The following SNTG1 variants were observed in gnomAD, a reference collection of about 807,000 sequenced individuals.
SNTG1 encodes the protein syntrophin gamma 1.
Under a neutral mutation model 74.7 loss-of-function variants are expected in SNTG1, and 39 were observed. That is an observed-to-expected ratio of 0.52 (90% confidence interval 0.40 to 0.68). The LOEUF (loss-of-function observed/expected upper bound fraction) is 0.68, where lower values mean the gene tolerates loss of function less well. SNTG1 is among the 30% of genes least tolerant of loss of function. SNTG1 has a pLI of 0.00. For missense variants in SNTG1, 685 were observed against 609.5 expected (o/e 1.12, Z -1.30); for synonymous variants, 254 against 217.1 (o/e 1.17, Z -1.49).
At chr8:50,501,425 G>GTTTTTTT (rs59123896) in intron 8 of SNTG1, among the ~76,000 whole-genome samples, 1 of 57,082 alleles carries the variant, frequency 1.8e-5, no homozygotes, top group African/African-American at 9.8e-5. Flanking sequence ...GAGCCTGTGC[G>GTTTTTTT]TTTTTTTTTT....
At chr8:50,534,787 T>TA (rs1207718089) in intron 10 of SNTG1, among the ~76,000 whole-genome samples, 3 of 151,982 alleles carry the variant, frequency 2.0e-5, no homozygotes, top group African/African-American at 4.8e-5. Flanking sequence ...AAACTAAAAA[T>TA]AAAAAAACCT....
chr8:50,435,801 T>A (rs181092069), intron 4 of SNTG1, among the ~76,000 whole-genome samples: 91 of 152,308 alleles, frequency 6.0e-4, no homozygotes, highest in African/African-American at 2.1e-3. Context: ...TTTTTGAGAT[T>A]CTTTTGGTGG....
chr8:50,021,155 C>A (rs533951471), intron 1 of SNTG1, among the ~76,000 whole-genome samples: 1 of 152,194 alleles, frequency 6.6e-6, no homozygotes, highest in East Asian at 1.9e-4. Flanking sequence ...AGAGCTAATC[C>A]CACTCAATAA....
chr8:50,041,688 A>AGTT (rs1048543183), intron 1 of SNTG1, among the ~76,000 whole-genome samples: 2 of 152,198 alleles, frequency 1.3e-5, no homozygotes, highest in African/African-American at 4.8e-5. Flanking sequence ...TTTGTGTCCC[A>AGTT]GTTGAAAAGC....
At position 49,975,089 on chromosome 8, in the gene SNTG1, C is replaced by T. The variant is rs186006724; in HGVS notation, c.-103+62858C>T. On this transcript the variant is annotated intron_variant, in intron 1 of 18. Transcript: ENST00000642720. ...ACTGTCAGTGATGGTTCTCAATGGG[C>T]GAATCATGGCTCTCTTCCAAATGGA... Among the ~76,000 whole-genome samples the T allele has an allele frequency of 3.6e-3, 544 of 152,050 alleles. 3 individuals carry two copies. The highest frequency in any genetic ancestry group is 0.012 in the African/African-American group (518 of 41,484).
chr8:50,189,197 C>A (rs893569140), intron 2 of SNTG1, among the ~76,000 whole-genome samples: 4 of 152,096 alleles, frequency 2.6e-5, no homozygotes, highest in African/African-American at 9.7e-5. Context: ...ATAATTAAGC[C>A]ATCAGAGGTA....
At chr8:49,975,356 T>A (rs1812094144) in intron 1 of SNTG1, among the ~76,000 whole-genome samples, 1 of 152,164 alleles carries the variant, frequency 6.6e-6, no homozygotes, top group South Asian at 2.1e-4. Context: ...TACCCGATTA[T>A]CTTTGCCTTA....
At chr8:50,725,702 G>A (rs541603296) in intron 17 of SNTG1, among the ~76,000 whole-genome samples, 27 of 152,268 alleles carry the variant, frequency 1.8e-4, no homozygotes, top group African/African-American at 5.5e-4. Flanking sequence ...ATGAGCAGAG[G>A]TGTTGAATAC....
chr8:50,045,703 CA>C (rs1172151727), intron 1 of SNTG1, among the ~76,000 whole-genome samples: 2 of 152,140 alleles, frequency 1.3e-5, no homozygotes, highest in Non-Finnish European at 2.9e-5. Context: ...AAAATGATTA[CA>C]TATAGTAAGA....
chr8:50,001,951 A>T (rs1585844018), intron 1 of SNTG1, among the ~76,000 whole-genome samples: 1 of 152,150 alleles, frequency 6.6e-6, no homozygotes, highest in South Asian at 2.1e-4. Flanking sequence ...GTGGAAGGTG[A>T]CCCAGACAGT....
intron 1 of SNTG1, among the ~76,000 whole-genome samples, chr8:50,103,630 T>C (rs544733421): frequency 1.1e-4 from 17 of 152,328 alleles, no homozygotes; most frequent in Admixed American, 9.2e-4. Flanking sequence ...GGCATCCCTG[T>C]CTTGTGCCAG....
rs996804040 is a variant in SNTG1 at position 50,793,718 on chromosome 8, T to C, written c.*889T>C. 2 of 151,886 alleles carry C rather than the reference T, an allele frequency of 1.3e-5. No homozygotes were observed. Among genetic ancestry groups the C allele is most frequent in the African/African-American group, 4.8e-5 (2 of 41,402 alleles). The allele number at this position is 151,886 out of a possible 1,614,324, so 9.4% of individuals were successfully genotyped here. A position where few individuals can be genotyped will look rare whatever the true frequency, so the allele number is the denominator to read the frequency against. On this transcript the variant is annotated 3_prime_UTR_variant, in exon 19 of 19. Coordinates refer to ENST00000642720, the MANE Select transcript of SNTG1 (RefSeq NM_018967.5). The stretch of plus-strand genomic sequence containing the variant: ...GTAGAGAAAATAATATAAACAAATA[T>C]GGTGTGAGAAACAATTCTTTGTAAT...
chr8:50,435,151 G>T (rs1443318617), intron 4 of SNTG1, among the ~76,000 whole-genome samples: 1 of 152,016 alleles, frequency 6.6e-6, no homozygotes, highest in African/African-American at 2.4e-5. Flanking sequence ...TAACATTGAT[G>T]TTGATTATTT....
chr8:50,334,365 T>C (rs1587183916), intron 2 of SNTG1, among the ~76,000 whole-genome samples: 1 of 152,190 alleles, frequency 6.6e-6, no homozygotes, highest in African/African-American at 2.4e-5. Context: ...AACTTTGTGG[T>C]GATTTGTTAT....
chr8:50,296,235 C>T (rs2089364143), intron 2 of SNTG1, among the ~76,000 whole-genome samples: 1 of 152,102 alleles, frequency 6.6e-6, no homozygotes, highest in Admixed American at 6.6e-5. Context: ...ACCAGAAATA[C>T]TATTTGACCC....
chr8:50,169,633 G>A (rs950567410), intron 1 of SNTG1, among the ~76,000 whole-genome samples: 1 of 152,146 alleles, frequency 6.6e-6, no homozygotes, highest in Non-Finnish European at 1.5e-5. Flanking sequence ...TCCTTGTTAA[G>A]TAATACATTG....
intron 2 of SNTG1, among the ~76,000 whole-genome samples, chr8:50,175,811 A>T (rs1452210364): frequency 1.4e-4 from 22 of 152,142 alleles, no homozygotes; most frequent in African/African-American, 2.2e-4. Flanking sequence ...TTATTTTTTA[A>T]AAAATATGGC....
intron 9 of SNTG1, among the ~76,000 whole-genome samples, chr8:50,515,074 C>A (rs2094119570): frequency 1.3e-5 from 2 of 152,008 alleles, no homozygotes; most frequent in South Asian, 2.1e-4. Flanking sequence ...AAATATTTTT[C>A]TCTATCATTT....
rs139726101 is a variant in SNTG1 at position 50,734,365 on chromosome 8, T to A, written c.1285-17636T>A. On this transcript the variant is annotated intron_variant, in intron 17 of 18. Coordinates refer to ENST00000642720, the MANE Select transcript of SNTG1 (RefSeq NM_018967.5). ...TCATTCTAATTATCTAGCAAAATACTCAGTATATACTAGCCACTTCATAAA... is the reference window on the plus strand; with the variant it reads ...TCATTCTAATTATCTAGCAAAATACACAGTATATACTAGCCACTTCATAAA... Among the ~76,000 whole-genome samples the A allele has an allele frequency of 1.7e-3, 256 of 151,790 alleles. 3 individuals are homozygous for A. In the East Asian group the frequency reaches 0.037, roughly 22 times the overall value.
Sources: allele counts gnomAD v4.1 joint callset (sites outside exome capture counted in the v4.1 genomes callset), GRCh38; gene constraint gnomAD v4.1.1; transcripts MANE v1.5; gene names NCBI Gene and HGNC (gene_info 2026-07-23, HGNC 2026-07-21).